The following EFNA5 variants were observed in gnomAD, a reference collection of about 807,000 sequenced individuals.
EFNA5 encodes ephrin A5.
EFNA5 carries 5 observed loss-of-function variants against 22.9 expected under a neutral mutation model. The observed-to-expected ratio is 0.22, with a 90% CI of 0.11 to 0.46. The LOEUF is 0.46. Among genes scored for constraint, EFNA5 ranks in the 20% least tolerant of loss-of-function variants. The pLI, the probability that EFNA5 is intolerant of heterozygous loss-of-function variation, is 0.99. For missense variants in EFNA5, 237 were observed against 293.3 expected, an observed-to-expected ratio of 0.81 and a Z score of 1.40; for synonymous variants, 113 against 112.2, an observed-to-expected ratio of 1.01 and a Z score of -0.04.
At chr5:107,538,835 G>C (rs551404016) in intron 1 of EFNA5, among the ~76,000 whole-genome samples, 1 of 152,354 alleles carries the variant, frequency 6.6e-6, no homozygotes, top group South Asian at 2.1e-4. Flanking sequence ...CCTGGGTGTA[G>C]GGGTTGGAGG....
intron 1 of EFNA5, among the ~76,000 whole-genome samples, chr5:107,456,321 T>C (rs1749699101): frequency 6.6e-6 from 1 of 152,148 alleles, no homozygotes; most frequent in Non-Finnish European, 1.5e-5. Flanking sequence ...GCTTAAGCAC[T>C]GAAGGAAGAA....
intron 1 of EFNA5, among the ~76,000 whole-genome samples, chr5:107,449,573 G>A (rs1005076312): frequency 1.1e-4 from 16 of 150,516 alleles, no homozygotes; most frequent in African/African-American, 3.9e-4. Flanking sequence ...AACAGGAAAT[G>A]ACAAGTATAA....
At chr5:107,387,655 T>C in intron 3 of EFNA5, 51 bp downstream of exon 3, 1 of 1,366,682 alleles carries the variant, frequency 7.3e-7, no homozygotes, top group Non-Finnish European at 1.0e-6. Context: ...GACCACACAA[T>C]AAAGCATGCG....
chr5:107,587,443 A>C (rs1749213106), intron 1 of EFNA5, among the ~76,000 whole-genome samples: 1 of 152,220 alleles, frequency 6.6e-6, no homozygotes, highest in Non-Finnish European at 1.5e-5. Context: ...TTACACTTGA[A>C]ACTGTATATG....
At chr5:107,645,627 G>A (rs1417312152) in intron 1 of EFNA5, among the ~76,000 whole-genome samples, 1 of 152,056 alleles carries the variant, frequency 6.6e-6, no homozygotes, top group Non-Finnish European at 1.5e-5. Context: ...GATTGGGCAG[G>A]GGTAGTTCTT....
chr5:107,500,337 G>A (rs1213220425), intron 1 of EFNA5, among the ~76,000 whole-genome samples: 1 of 152,200 alleles, frequency 6.6e-6, no homozygotes, highest in Non-Finnish European at 1.5e-5. Flanking sequence ...ACGTATATCT[G>A]CTAAAGAAAG....
chr5:107,409,819 A>T (rs1748313730), intron 2 of EFNA5, among the ~76,000 whole-genome samples: 2 of 152,178 alleles, frequency 1.3e-5, no homozygotes, highest in African/African-American at 4.8e-5. Context: ...AGGTACAAGT[A>T]TGTCTCAGGA....
At chr5:107,410,901 C>T (rs1428336149) in intron 2 of EFNA5, among the ~76,000 whole-genome samples, 2 of 151,916 alleles carry the variant, frequency 1.3e-5, no homozygotes, top group Non-Finnish European at 2.9e-5. Flanking sequence ...TCTGTTGATG[C>T]CAATGAAATA....
At chr5:107,552,387 C>T (rs1027724191) in intron 1 of EFNA5, among the ~76,000 whole-genome samples, 2 of 152,148 alleles carry the variant, frequency 1.3e-5, no homozygotes, top group Non-Finnish European at 2.9e-5. Flanking sequence ...ACTTGATCCC[C>T]AAGTGACCCA....
chr5:107,606,570 CACA>C lies in EFNA5; in HGVS notation c.125+63916_125+63918del, dbSNP rs879928955. Among the ~76,000 whole-genome samples the C allele has an allele frequency of 1.4e-3, 211 of 149,282 alleles. 2 individuals are homozygous for C. Among genetic ancestry groups the C allele is most frequent in the Non-Finnish European group, 2.0e-3 (135 of 67,496 alleles). On this transcript the variant is annotated intron_variant, in intron 1 of 4. Transcript: ENST00000333274. ...ACACACACACACACACACACACACA[CACA>C]CACACACACAGAGCTAGTAATGCGG...
chr5:107,461,859 A>T (rs571130608), intron 1 of EFNA5, among the ~76,000 whole-genome samples: 1 of 152,072 alleles, frequency 6.6e-6, no homozygotes, highest in Non-Finnish European at 1.5e-5. Flanking sequence ...GGCTCTAGGG[A>T]TATCTCTGGA....
At chr5:107,484,829 G>A (rs1746552891) in intron 1 of EFNA5, among the ~76,000 whole-genome samples, 1 of 151,518 alleles carries the variant, frequency 6.6e-6, no homozygotes. Context: ...CTGAGTTGAG[G>A]AATATTTGCA....
chr5:107,496,351 A>AAC (rs1554063289), intron 1 of EFNA5, among the ~76,000 whole-genome samples: 46 of 149,636 alleles, frequency 3.1e-4, no homozygotes, highest in African/African-American at 1.0e-3. Flanking sequence ...AAAAAAAAAA[A>AAC]AACAAAAAAA....
At chr5:107,549,796 G>T (rs1748245272) in intron 1 of EFNA5, among the ~76,000 whole-genome samples, 1 of 152,230 alleles carries the variant, frequency 6.6e-6, no homozygotes, top group Non-Finnish European at 1.5e-5. Flanking sequence ...GCTGCCCTGA[G>T]TTCTGGCTCT....
chr5:107,543,611 T>C, intron 1 of EFNA5, among the ~76,000 whole-genome samples: 1 of 152,188 alleles, frequency 6.6e-6, no homozygotes, highest in Non-Finnish European at 1.5e-5. Flanking sequence ...GCATACCAAA[T>C]ACTTTTCTGA....
intron 2 of EFNA5, among the ~76,000 whole-genome samples, chr5:107,408,075 C>G (rs571424788): frequency 3.3e-4 from 50 of 152,204 alleles, no homozygotes; most frequent in African/African-American, 1.2e-3. Flanking sequence ...CTAATGGCTA[C>G]CAGGCCCTAT....
At chr5:107,572,252 C>T (rs1286016940) in intron 1 of EFNA5, among the ~76,000 whole-genome samples, 1 of 151,970 alleles carries the variant, frequency 6.6e-6, no homozygotes, top group Non-Finnish European at 1.5e-5. Context: ...GCCCTCGGAG[C>T]TCTCTGGTTT....
At chr5:107,504,722 G>T (rs1747215108) in intron 1 of EFNA5, among the ~76,000 whole-genome samples, 1 of 152,114 alleles carries the variant, frequency 6.6e-6, no homozygotes, top group African/African-American at 2.4e-5. Flanking sequence ...ACATGAAAAA[G>T]TGTTGTCGAA....
At chr5:107,556,629 C>T (rs1354477155) in intron 1 of EFNA5, among the ~76,000 whole-genome samples, 5 of 151,812 alleles carry the variant, frequency 3.3e-5, no homozygotes, top group Non-Finnish European at 7.4e-5. Flanking sequence ...ACCTGTAATC[C>T]CAGCTACTCA....
Sources: allele counts gnomAD v4.1 joint callset (sites outside exome capture counted in the v4.1 genomes callset), GRCh38; gene constraint gnomAD v4.1.1; transcripts MANE v1.5; gene names NCBI Gene and HGNC (gene_info 2026-07-23, HGNC 2026-07-21).